TCF12: variants seen among roughly 807,000 people sequenced by gnomAD.
TCF12 encodes the protein transcription factor 12.
In TCF12, 45 loss-of-function variants were observed where a neutral mutation model predicts 86.0. That is an observed-to-expected ratio of 0.52 (90% CI 0.41 to 0.67). TCF12 has a LOEUF of 0.67. Ranked by LOEUF, TCF12 falls within the 30% of genes least tolerant of loss-of-function variation. The pLI, the probability that TCF12 is intolerant of heterozygous loss-of-function variation, is 0.00. For synonymous variants in TCF12, 330 were observed against 299.6 expected, an observed-to-expected ratio of 1.10 and a Z score of -1.05; for missense variants, 881 against 859.9, an observed-to-expected ratio of 1.02 and a Z score of -0.31.
intron 5 of TCF12, among the ~76,000 whole-genome samples, chr15:57,114,747 T>C (rs2050726563): frequency 6.6e-6 from 1 of 152,232 alleles, no homozygotes; most frequent in African/African-American, 2.4e-5. Flanking sequence ...TGTTTTTATT[T>C]CCAAATAGAA....
chr15:57,218,545 A>G (rs1221821132), intron 8 of TCF12, among the ~76,000 whole-genome samples: 2 of 152,246 alleles, frequency 1.3e-5, no homozygotes, highest in African/African-American at 4.8e-5. Flanking sequence ...GAGCATTAGC[A>G]TAAAAATATG....
intron 19 of TCF12, among the ~76,000 whole-genome samples, chr15:57,281,167 G>T (rs4238322): frequency 2.0e-5 from 3 of 149,394 alleles, no homozygotes; most frequent in African/African-American, 7.4e-5. Flanking sequence ...GCAGTGGCAC[G>T]ATCACTGCAG....
intron 4 of TCF12, among the ~76,000 whole-genome samples, chr15:57,091,111 A>C (rs190445377): frequency 1.3e-5 from 2 of 152,176 alleles, no homozygotes; most frequent in Non-Finnish European, 2.9e-5. Context: ...TAAGAATTTA[A>C]ATCAGCTATG....
intron 6 of TCF12, among the ~76,000 whole-genome samples, chr15:57,172,533 A>T (rs1162822020): frequency 6.6e-6 from 1 of 152,208 alleles, no homozygotes; most frequent in East Asian, 1.9e-4. Context: ...GAAACCATAC[A>T]GAGTATGTTC....
intron 3 of TCF12, among the ~76,000 whole-genome samples, chr15:56,962,910 GTTGAT>G (rs1324647014): frequency 6.6e-6 from 1 of 151,870 alleles, no homozygotes; most frequent in African/African-American, 2.4e-5. Context: ...TGTCTAGACT[GTTGAT>G]TTGATGAAGT....
intron 3 of TCF12, among the ~76,000 whole-genome samples, chr15:57,029,914 C>CT (rs1360675616): frequency 1.3e-5 from 2 of 152,126 alleles, no homozygotes; most frequent in Non-Finnish European, 1.5e-5. Flanking sequence ...TCAGTAGTTT[C>CT]TTTTCTTTTA....
At position 57,224,256 on chromosome 15, in the gene TCF12, G is replaced by A. The variant is rs193058866; in HGVS notation, c.580-6896G>A. Among the ~76,000 whole-genome samples the A allele has an allele frequency of 2.7e-3, 418 of 152,098 alleles. 2 individuals carry two copies. Among genetic ancestry groups the A allele is most frequent in the Non-Finnish European group, 3.6e-3 (242 of 67,928 alleles). ...ATTTTTTTTAAAGTAGGTAGGTAAC[G>A]TGTCAGTCATTGATTTGTTCAGTAT... is the stretch of plus-strand genomic sequence containing the variant. On this transcript the variant is annotated intron_variant, in intron 8 of 20. Transcript: ENST00000333725.
intron 3 of TCF12, among the ~76,000 whole-genome samples, chr15:56,934,732 T>A (rs1296432657): frequency 6.6e-6 from 1 of 152,188 alleles, no homozygotes; most frequent in African/African-American, 2.4e-5. Flanking sequence ...AGAAGGGAAT[T>A]GACAAATCCA....
intron 4 of TCF12, among the ~76,000 whole-genome samples, chr15:57,076,652 AG>A (rs2070080792): frequency 6.7e-6 from 1 of 148,714 alleles, no homozygotes; most frequent in Admixed American, 6.6e-5. Flanking sequence ...AAAAAAAAAA[AG>A]AAAAGAAAGG....
At chr15:57,183,812 A>G (rs1230973239) in intron 6 of TCF12, among the ~76,000 whole-genome samples, 1 of 152,118 alleles carries the variant, frequency 6.6e-6, no homozygotes, top group Non-Finnish European at 1.5e-5. Context: ...CAGACTCATT[A>G]ATGTTAGATA....
chr15:57,043,398 C>G (rs2067023028), intron 3 of TCF12, among the ~76,000 whole-genome samples: 1 of 151,970 alleles, frequency 6.6e-6, no homozygotes, highest in Non-Finnish European at 1.5e-5. Flanking sequence ...TTTTATATTC[C>G]CTCTAACAGT....
chr15:57,270,345 G>A (rs1490327584), intron 18 of TCF12, among the ~76,000 whole-genome samples: 5 of 151,926 alleles, frequency 3.3e-5, no homozygotes, highest in Non-Finnish European at 5.9e-5. Flanking sequence ...CTGCTTGATC[G>A]CATCAGCTAT....
intron 3 of TCF12, among the ~76,000 whole-genome samples, chr15:57,036,919 A>G (rs1170853731): frequency 6.6e-6 from 1 of 152,150 alleles, no homozygotes; most frequent in Non-Finnish European, 1.5e-5. Context: ...CTCTGTGTAG[A>G]AGTTTTTGAA....
intron 5 of TCF12, 57 bp downstream of exon 5, chr15:57,091,948 T>C: frequency 7.0e-7 from 1 of 1,437,784 alleles, no homozygotes; most frequent in Non-Finnish European, 9.8e-7. Flanking sequence ...TCAGAGACAT[T>C]TTTTATCCCT....
chr15:57,276,667 A>G (rs541560004), intron 19 of TCF12, among the ~76,000 whole-genome samples: 4 of 152,370 alleles, frequency 2.6e-5, no homozygotes, highest in South Asian at 2.1e-4. Context: ...TAAATAGCTT[A>G]TAGATAAAGA....
chr15:57,094,476 A>T (rs543530683), intron 5 of TCF12, among the ~76,000 whole-genome samples: 18 of 152,336 alleles, frequency 1.2e-4, no homozygotes, highest in Non-Finnish European at 1.9e-4. Context: ...ATTCAACTTG[A>T]TATGAGCTGA....
intron 3 of TCF12, among the ~76,000 whole-genome samples, chr15:56,934,249 C>G (rs2060371400): frequency 6.6e-6 from 1 of 152,144 alleles, no homozygotes; most frequent in African/African-American, 2.4e-5. Context: ...TGTGTGACAG[C>G]TGAATAGTTC....
chr15:57,210,627 A>T (rs1019215341), intron 8 of TCF12, among the ~76,000 whole-genome samples: 8 of 152,144 alleles, frequency 5.3e-5, no homozygotes, highest in African/African-American at 1.9e-4. Context: ...GTGTTCTTTT[A>T]TTCATATAAT....
intron 19 of TCF12, among the ~76,000 whole-genome samples, chr15:57,275,686 A>G (rs2061369463): frequency 6.6e-6 from 1 of 152,066 alleles, no homozygotes; most frequent in Non-Finnish European, 1.5e-5. Flanking sequence ...AACACTTTCT[A>G]TAAAAACAGC....
Sources: gnomAD v4.1 joint callset for allele counts (sites outside exome capture counted in the v4.1 genomes callset) on GRCh38, gnomAD v4.1.1 for gene constraint, MANE v1.5 for transcripts, NCBI Gene and HGNC (gene_info 2026-07-23, HGNC 2026-07-21) for gene names.